Variants in CPE observed in about 807,000 individuals in gnomAD.
The protein encoded by CPE is carbocypeptidase E.
Under a neutral mutation model 53.5 loss-of-function variants are expected in CPE, and 17 were observed. The observed-to-expected ratio is 0.32, with a 90% CI of 0.22 to 0.48. The LOEUF is 0.48. Among genes scored for constraint, CPE ranks in the 20% least tolerant of loss-of-function variants. CPE has a pLI of 0.99. For missense variants in CPE, 524 were observed against 614.7 expected, an observed-to-expected ratio of 0.85 and a Z score of 1.56; for synonymous variants, 226 against 228.8, an observed-to-expected ratio of 0.99 and a Z score of 0.11.
At chr4:165,467,142 G>GA in intron 2 of CPE, among the ~76,000 whole-genome samples, 1 of 151,996 alleles carries the variant, frequency 6.6e-6, no homozygotes, top group Non-Finnish European at 1.5e-5. Flanking sequence ...GAGCAACATA[G>GA]CGAGACCCTG....
intron 2 of CPE, among the ~76,000 whole-genome samples, chr4:165,465,979 A>G (rs917743759): frequency 6.6e-6 from 1 of 152,194 alleles, no homozygotes; most frequent in Admixed American, 6.5e-5. Context: ...ATCTCTTTAT[A>G]TTATTAACAT....
At chr4:165,477,369 A>G (rs1029523842) in intron 3 of CPE, among the ~76,000 whole-genome samples, 1 of 152,228 alleles carries the variant, frequency 6.6e-6, no homozygotes, top group Non-Finnish European at 1.5e-5. Context: ...AAAATGAAAG[A>G]TTAGTCCCTT....
chr4:165,464,900 A>G lies in CPE; in HGVS notation c.504+314A>G, dbSNP rs947944409. Among the ~76,000 whole-genome samples the G allele has an allele frequency of 3.3e-5, 5 of 152,200 alleles. No homozygotes were observed. The South Asian group carries it at 1.0e-3, about 31-fold the overall frequency. ...TGACTAGGTAAGTTTTGTTTTAAAA[A>G]TCTACAAATATAAAAAATATCTACT... On this transcript the variant is annotated intron_variant, in intron 2 of 8. Transcript: ENST00000402744.
intron 2 of CPE, among the ~76,000 whole-genome samples, chr4:165,466,767 T>G (rs1028151972): frequency 6.6e-6 from 1 of 152,252 alleles, no homozygotes; most frequent in African/African-American, 2.4e-5. Context: ...CCACCCACCT[T>G]GGCCTCTCAA....
chr4:165,481,946 G>A (rs1392766817), intron 3 of CPE, among the ~76,000 whole-genome samples: 1 of 152,198 alleles, frequency 6.6e-6, no homozygotes, highest in Non-Finnish European at 1.5e-5. Context: ...CAAAATTTGT[G>A]AGTTGCATGC....
chr4:165,447,336 C>T (rs1315025540), intron 1 of CPE, among the ~76,000 whole-genome samples: 1 of 151,974 alleles, frequency 6.6e-6, no homozygotes, highest in Non-Finnish European at 1.5e-5. Flanking sequence ...TTTGGGAGAC[C>T]GAGGCGGGCA....
At chr4:165,434,424 A>G (rs1229895991) in intron 1 of CPE, among the ~76,000 whole-genome samples, 2 of 152,236 alleles carry the variant, frequency 1.3e-5, no homozygotes, top group Non-Finnish European at 2.9e-5. Context: ...AGCTATAGAG[A>G]GCACACAGAT....
chr4:165,474,767 T>C (rs1183766047), intron 3 of CPE, among the ~76,000 whole-genome samples: 1 of 152,256 alleles, frequency 6.6e-6, no homozygotes, highest in East Asian at 1.9e-4. Flanking sequence ...ATGGGTCTTT[T>C]GTGACTGCAA....
At chr4:165,430,828 G>A (rs181098680) in intron 1 of CPE, among the ~76,000 whole-genome samples, 16 of 152,292 alleles carry the variant, frequency 1.1e-4, no homozygotes, top group Admixed American at 7.8e-4. Context: ...TAGACACCAA[G>A]GTTGAAGAAT....
intron 1 of CPE, among the ~76,000 whole-genome samples, chr4:165,452,918 T>C (rs1268142644): frequency 1.3e-5 from 2 of 152,188 alleles, no homozygotes; most frequent in East Asian, 1.9e-4. Flanking sequence ...GAAACCTGTA[T>C]GTTTAAGAAG....
intron 1 of CPE, 59 bp from the exon 2 acceptor site, chr4:165,464,331 A>C: frequency 7.6e-7 from 1 of 1,320,216 alleles, no homozygotes; most frequent in Non-Finnish European, 1.0e-6. Context: ...GTAGGTATAC[A>C]ATATATTTGG....
At chr4:165,475,502 A>G (rs1346108514) in intron 3 of CPE, among the ~76,000 whole-genome samples, 1 of 152,188 alleles carries the variant, frequency 6.6e-6, no homozygotes, top group African/African-American at 2.4e-5. Flanking sequence ...AATAACAAGG[A>G]GTGTGTGTTT....
In CPE at chr4:165,441,187, G is replaced by A. The variant is rs149520393; in HGVS notation, c.308-23203G>A. ...TGGCAGAATTAATCGTCGAGACCCC[G>A]TTCACTCTCAAGAATCTTGATTTGA... On this transcript the variant is annotated intron_variant, in intron 1 of 8. Transcript: ENST00000402744. 2.7e-3 allele frequency among the ~76,000 whole-genome samples: 408 copies of A among 152,234 alleles called. 2 individuals are homozygous for A. The highest frequency in any genetic ancestry group is 9.4e-3 in the African/African-American group (390 of 41,534).
chr4:165,494,014 T>C (rs1389031024), intron 7 of CPE, among the ~76,000 whole-genome samples: 5 of 152,240 alleles, frequency 3.3e-5, no homozygotes, highest in Admixed American at 6.5e-5. Flanking sequence ...CAATTAACCT[T>C]TAACTTATGT....
chr4:165,429,948 G>C (rs1560879777), intron 1 of CPE, among the ~76,000 whole-genome samples: 1 of 152,108 alleles, frequency 6.6e-6, no homozygotes, highest in African/African-American at 2.4e-5. Flanking sequence ...ACCTCATTTG[G>C]CATGAGGCCA....
chr4:165,455,182 G>A (rs928300546), intron 1 of CPE, among the ~76,000 whole-genome samples: 2 of 152,206 alleles, frequency 1.3e-5, no homozygotes, highest in African/African-American at 4.8e-5. Flanking sequence ...GTTAATGAGA[G>A]AATCAGCTAA....
chr4:165,407,667 C>T (rs1358598773), intron 1 of CPE, among the ~76,000 whole-genome samples: 5 of 152,088 alleles, frequency 3.3e-5, no homozygotes, highest in Admixed American at 3.3e-4. Flanking sequence ...CCTGCCTCAG[C>T]CTCCAGAGTA....
At chr4:165,451,922 C>G (rs73860770) in intron 1 of CPE, among the ~76,000 whole-genome samples, 3 of 151,966 alleles carry the variant, frequency 2.0e-5, no homozygotes, top group East Asian at 1.9e-4. Context: ...TACCGCCCCC[C>G]CAACCCCCGT....
intron 1 of CPE, among the ~76,000 whole-genome samples, chr4:165,434,738 G>A (rs1299747810): frequency 6.6e-6 from 1 of 152,080 alleles, no homozygotes; most frequent in Non-Finnish European, 1.5e-5. Context: ...ACAATACCTG[G>A]TAGTTGAGTG....
Sources: gnomAD v4.1 joint callset for allele counts (sites outside exome capture counted in the v4.1 genomes callset) on GRCh38, gnomAD v4.1.1 for gene constraint, MANE v1.5 for transcripts, NCBI Gene and HGNC (gene_info 2026-07-23, HGNC 2026-07-21) for gene names.